TENM2: variants seen among roughly 807,000 people sequenced by gnomAD.
The protein encoded by TENM2 is teneurin-2.
In TENM2, 52 loss-of-function variants were observed where a neutral mutation model predicts 245.2. The observed-to-expected ratio is 0.21, with a 90% CI of 0.17 to 0.27. The LOEUF is 0.27. Among genes scored for constraint, TENM2 ranks in the 10% least tolerant of loss-of-function variants. The pLI, the probability that TENM2 is intolerant of heterozygous loss-of-function variation, is 1.00. For synonymous variants in TENM2, 1,363 were observed against 1,438.9 expected (o/e 0.95, Z 1.19); for missense variants, 3,046 against 3,666.8 (o/e 0.83, Z 4.37).
At chr5:167,082,684 A>G in the TENM2 span, among the ~76,000 whole-genome samples, 8 of 152,174 alleles carry the variant, frequency 5.3e-5, no homozygotes, top group African/African-American at 1.9e-4. Context: ...ACTCTCTTAA[A>G]CTTGCTAATA....
At chr5:167,950,375 A>G (rs2545245) in intron 3 of TENM2, among the ~76,000 whole-genome samples, 19,660 of 152,138 alleles carry the variant, frequency 0.13, 1,679 homozygotes, top group African/African-American at 0.24. Context: ...CACAGGAAGG[A>G]GGAGGGTCTG....
At chr5:167,355,903 C>G (rs1284198475) in intron 1 of TENM2, among the ~76,000 whole-genome samples, 2 of 142,640 alleles carry the variant, frequency 1.4e-5, no homozygotes, top group African/African-American at 5.3e-5. Flanking sequence ...AGGAAGATGG[C>G]TGGGTGCCGT....
chr5:167,246,411 A>C, the TENM2 span, among the ~76,000 whole-genome samples: 1,253 of 152,224 alleles, frequency 8.2e-3, 21 homozygotes, highest in African/African-American at 0.029. Context: ...CTGTTTTTAT[A>C]AATTACATAG....
chr5:168,247,111 G>A lies in TENM2; in HGVS notation c.6172G>A (p.Gly2058Ser), dbSNP rs549976093. The change falls in exon 27 of 29, where the codon GGC (glycine) becomes AGC (serine). Residue 2058 changes from glycine to serine, a missense_variant. Physicochemically the swap from Gly to Ser is moderately conservative, Grantham distance 56 (BLOSUM62 0). This residue lies in a region of TENM2 where 2,704 missense variants were observed against 3,331.9 expected (regional missense o/e 0.81). Coordinates refer to ENST00000518659, the Ensembl canonical transcript of TENM2. This position sits in a 1 kb window ranked among gnomAD's most constrained non-coding sequence, Gnocchi z 7.8. ...GAAGATGGTCAACCTCCAAAGTGGG[G>A]GCTTCTCCTGCACCATCAGGTACCG... 6.2e-7 allele frequency: 1 copy of A among 1,613,846 alleles called. No homozygotes were observed. The highest frequency in any genetic ancestry group is 2.2e-5 in the East Asian group (1 of 44,836).
At chr5:167,344,309 C>CATATATATATATAT (rs1298761207) in intron 1 of TENM2, among the ~76,000 whole-genome samples, 8 of 84,502 alleles carry the variant, frequency 9.5e-5, no homozygotes, top group African/African-American at 2.6e-4. Context: ...CACACACACA[C>CATATATATATATAT]ATATATATAT....
chr5:168,246,802 T>C, exon 27 of TENM2: 1 of 1,613,940 alleles, frequency 6.2e-7, no homozygotes, highest in Non-Finnish European at 8.5e-7. Flanking sequence ...TATATTTGAG[T>C]ATGACTCCTC....
Position 167,361,669 on chromosome 5 carries a change from A to G in TENM2, c.227-13529A>G, listed in dbSNP as rs150341290. Among the ~76,000 whole-genome samples, 1,080 of 152,334 alleles carry G rather than the reference A, an allele frequency of 7.1e-3. 20 individuals are homozygous for G. Among genetic ancestry groups the G allele is most frequent in the African/African-American group, 0.024 (1,016 of 41,578 alleles). ...GTATATGAACAGTATTATTTAGCAC[A>G]TTTAACTCTGTCAACAGTTTTCAGT... On this transcript the variant is annotated intron_variant, in intron 1 of 28. Coordinates refer to ENST00000518659, the Ensembl canonical transcript of TENM2.
chr5:168,143,843 CTT>C (rs70976464), intron 12 of TENM2, among the ~76,000 whole-genome samples: 445 of 102,678 alleles, frequency 4.3e-3, no homozygotes, highest in African/African-American at 0.016. Flanking sequence ...TACTACACTT[CTT>C]TTTTTTTTTT....
intron 2 of TENM2, among the ~76,000 whole-genome samples, chr5:167,466,410 A>G (rs1415889343): frequency 6.6e-6 from 1 of 152,204 alleles, no homozygotes; most frequent in Non-Finnish European, 1.5e-5. Flanking sequence ...TATACATAAC[A>G]GAAAAGTAAA....
chr5:167,739,932 T>G (rs755661029), intron 2 of TENM2, among the ~76,000 whole-genome samples: 10 of 152,194 alleles, frequency 6.6e-5, no homozygotes, highest in Non-Finnish European at 1.5e-4. Context: ...TCGCTTCCCC[T>G]TGTTATCTCC....
At chr5:167,011,623 T>C in the TENM2 span, among the ~76,000 whole-genome samples, 2 of 152,334 alleles carry the variant, frequency 1.3e-5, no homozygotes, top group African/African-American at 2.4e-5. Flanking sequence ...AAATTTGTTA[T>C]GTATACTTGC....
chr5:167,245,360 C>T, the TENM2 span, among the ~76,000 whole-genome samples: 1 of 152,080 alleles, frequency 6.6e-6, no homozygotes, highest in South Asian at 2.1e-4. Context: ...TAGTTCCATT[C>T]CTTAAATCTA....
intron 2 of TENM2, among the ~76,000 whole-genome samples, chr5:167,539,124 G>A (rs1772035929): frequency 6.6e-6 from 1 of 151,892 alleles, no homozygotes; most frequent in Non-Finnish European, 1.5e-5. Context: ...TCACAGGTGA[G>A]TAGTTTAAAA....
intron 2 of TENM2, among the ~76,000 whole-genome samples, chr5:167,597,798 C>A (rs1313453515): frequency 6.6e-6 from 1 of 152,182 alleles, no homozygotes; most frequent in Admixed American, 6.5e-5. Flanking sequence ...ACAAATCTCT[C>A]CCACCACACT....
chr5:167,498,273 G>T (rs1768945212), intron 2 of TENM2, among the ~76,000 whole-genome samples: 1 of 151,956 alleles, frequency 6.6e-6, no homozygotes, highest in Non-Finnish European at 1.5e-5. Context: ...GAAAGAATTG[G>T]GTTTAGTGTT....
At chr5:167,377,676 C>T (rs1345885839) in intron 2 of TENM2, among the ~76,000 whole-genome samples, 1 of 152,130 alleles carries the variant, frequency 6.6e-6, no homozygotes, top group African/African-American at 2.4e-5. Flanking sequence ...GAGGTGTTAA[C>T]TTCAGTAAAC....
At chr5:167,602,874 A>G (rs1776737003) in intron 2 of TENM2, among the ~76,000 whole-genome samples, 1 of 152,214 alleles carries the variant, frequency 6.6e-6, no homozygotes. Flanking sequence ...GTAGTATGGT[A>G]GTAAGTGGTC....
At chr5:168,235,230 C>T (rs764794367) in intron 25 of TENM2, among the ~76,000 whole-genome samples, 7 of 152,192 alleles carry the variant, frequency 4.6e-5, no homozygotes, top group South Asian at 4.1e-4. Flanking sequence ...CTTGGCACTA[C>T]GCTAGGCACT....
intron 7 of TENM2, among the ~76,000 whole-genome samples, chr5:168,063,039 A>C (rs1268801730): frequency 6.6e-6 from 1 of 152,250 alleles, no homozygotes; most frequent in Non-Finnish European, 1.5e-5. Context: ...TCTCCAAAAA[A>C]TAAATGCTAA....
Sources: gnomAD v4.1 joint callset for allele counts (sites outside exome capture counted in the v4.1 genomes callset) on GRCh38, gnomAD v4.1.1 for gene constraint, gnomAD v4.1.1 regional missense constraint, Gnocchi (gnomAD v3.1) non-coding constraint, MANE v1.5 for transcripts, NCBI Gene and HGNC (gene_info 2026-07-23, HGNC 2026-07-21) for gene names.